DKKL1: variants seen among roughly 807,000 people sequenced by gnomAD.
DKKL1 encodes the protein dickkopf like acrosomal protein 1, also known as dickkopf-like protein 1.
DKKL1 carries 11 observed loss-of-function variants against 16.5 expected under a neutral mutation model. The ratio of observed to expected loss-of-function variants is 0.67; its 90% confidence interval spans 0.42 to 1.10. DKKL1 has a LOEUF of 1.10. Among genes scored for constraint, DKKL1 ranks in the 50% least tolerant of loss-of-function variants. The pLI is 0.00. For synonymous variants in DKKL1, 119 were observed against 133.2 expected (o/e 0.89, Z 0.73); for missense variants, 320 against 308.1 (o/e 1.04, Z -0.29).
chr19:49,372,987 G>A (rs550419965), intron 4 of DKKL1, among the ~76,000 whole-genome samples: 1 of 151,128 alleles, frequency 6.6e-6, no homozygotes, highest in South Asian at 2.1e-4. Context: ...GGCAACAAGA[G>A]CGAAACTCCA....
At chr19:49,370,369 T>A (rs147032589) in intron 4 of DKKL1, 1 of 136,584 alleles carries the variant, frequency 7.3e-6, no homozygotes. Context: ...GACTTGAAGG[T>A]TGACAAACGC....
upstream of DKKL1, among the ~76,000 whole-genome samples, chr19:49,360,874 G>A (rs1477905701): frequency 2.1e-5 from 3 of 140,476 alleles, no homozygotes; most frequent in Non-Finnish European, 4.7e-5. Context: ...CAGTGAGGTG[G>A]GGATAGAGAC....
At position 49,365,444 on chromosome 19, in the gene DKKL1, G is replaced by C. The variant is rs940739283; in HGVS notation, c.184-65G>C. 25 of 1,493,514 alleles carry C rather than the reference G, an allele frequency of 1.7e-5. No homozygotes were observed. In the African/African-American group the frequency reaches 2.7e-4, roughly 16 times the overall value. 92.5% of individuals were successfully genotyped at this position (1,493,514 alleles called of 1,614,324 possible). A position where few individuals can be genotyped will look rare whatever the true frequency, so the allele number is the denominator to read the frequency against. ...GCCTCGGGAGCATCCTAGCAGGGCT[G>C]CAGAAGGGGCTGTACTGAGGAGATG... On this transcript the variant is annotated intron_variant, in intron 2 of 4. Coordinates refer to ENST00000221498, the MANE Select transcript of DKKL1 (RefSeq NM_014419.4).
At chr19:49,365,461 G>A (rs1009254683) in intron 2 of DKKL1, 48 bp from the exon 3 acceptor site, 11 of 1,554,598 alleles carry the variant, frequency 7.1e-6, no homozygotes, top group African/African-American at 1.4e-5. Flanking sequence ...GGGCTGTACT[G>A]AGGAGATGTG....
chr19:49,362,919 G>GTTGTTGTTTTTTTT (rs1568588572), upstream of DKKL1, among the ~76,000 whole-genome samples: 13 of 130,322 alleles, frequency 1.0e-4, no homozygotes, highest in South Asian at 2.3e-4. Context: ...TGGTTTTTTT[G>GTTGTTGTTTTTTTT]TTTTTTGTTT....
intron 4 of DKKL1, among the ~76,000 whole-genome samples, chr19:49,374,011 G>C (rs140929247): frequency 0.01 from 1,572 of 151,474 alleles, 27 homozygotes; most frequent in African/African-American, 0.036. Context: ...TTGAGATGGA[G>C]TCTCGCTCTG....
chr19:49,372,916 G>C (rs1304039919), intron 4 of DKKL1, among the ~76,000 whole-genome samples: 3 of 152,042 alleles, frequency 2.0e-5, no homozygotes, highest in African/African-American at 7.3e-5. Flanking sequence ...CAGGAAAATC[G>C]TTTGAACCCA....
chr19:49,371,318 C>T lies in DKKL1; in HGVS notation c.418-3399C>T, dbSNP rs1253660110. ...ACCCTGGCCCAGCAACCATCTGGACCGTGAGAGTTTTGGGGATTTTGCTAC... is the reference window on the plus strand; with the variant it reads ...ACCCTGGCCCAGCAACCATCTGGACTGTGAGAGTTTTGGGGATTTTGCTAC... On this transcript the variant is annotated intron_variant, in intron 4 of 4. Coordinates refer to ENST00000221498, the MANE Select transcript of DKKL1 (RefSeq NM_014419.4). 2.0e-5 allele frequency among the ~76,000 whole-genome samples: 3 copies of T among 152,126 alleles called. No individual in the cohort carries two copies. The East Asian group carries it at 5.8e-4, about 29-fold the overall frequency.
chr19:49,374,839 C>G lies in DKKL1; in HGVS notation c.540C>G (p.His180Gln). The part of the protein sequence containing the change: ...WIIKLPRRRS[H>Q]QDALEGGHWL... Reference sequence around the variant, plus strand: ...TTAAGCTGCCACGGCGGAGGTCCCACCAGGATGCCCTGGAGGGCGGCCACT... The same window carrying G: ...TTAAGCTGCCACGGCGGAGGTCCCAGCAGGATGCCCTGGAGGGCGGCCACT... The change falls in exon 5 of 5, where the codon CAC becomes CAG. Residue 180 changes from histidine to glutamine, a missense_variant. By Grantham distance (24) the His-to-Gln change is conservative. Transcript: ENST00000221498. 6.2e-7 allele frequency: 1 copy of G among 1,613,840 alleles called. No individual in the cohort carries two copies. The highest frequency in any genetic ancestry group is 1.7e-5 in the Admixed American group (1 of 59,988).
At position 49,364,740 on chromosome 19, in the gene DKKL1, C is replaced by A; in HGVS notation, c.169C>A (p.Arg57=). The A allele has an allele frequency of 6.2e-7, 1 of 1,612,066 alleles. No homozygotes were observed. Among genetic ancestry groups the A allele is most frequent in the South Asian group, 1.1e-5 (1 of 90,930 alleles). The change falls in exon 2 of 5, where the codon CGA becomes AGA. Residue 57 remains arginine, a synonymous_variant. Transcript: ENST00000221498. ...CCAGAGCCTACTCCAAGGCTTCAGC[C>A]GACTTTTCCTGAAAGTAAGCGATGG... is the stretch of plus-strand genomic sequence containing the variant. The part of the protein sequence containing the change: ...GLQSLLQGFS[R]LFLKGNLLRG...
In DKKL1 at chr19:49,365,877, G is replaced by T. The variant is rs767545305; in HGVS notation, c.409G>T (p.Asp137Tyr). The T allele has an allele frequency of 1.2e-6, 2 of 1,613,994 alleles. No individual in the cohort carries two copies. Among genetic ancestry groups the T allele is most frequent in the South Asian group, 1.1e-5 (1 of 91,038 alleles). Residue 137 changes from aspartate to tyrosine, a missense_variant, in exon 4 of 5, where the codon GAT (aspartate) becomes TAT (tyrosine). Asp to Tyr is a radical substitution (Grantham distance 160, BLOSUM62 -3). Transcript: ENST00000221498. ...IQPAEGSFEG[D>Y]LKVPRMEEKE... ...ACCAGCGGAGGGGAGCTTCGAGGGT[G>T]ATTTGAAGGTTAGGACGTGCCCCGC... is the stretch of plus-strand genomic sequence containing the variant.
intron 4 of DKKL1, among the ~76,000 whole-genome samples, chr19:49,366,536 G>C (rs978303927): frequency 3.3e-4 from 50 of 152,038 alleles, no homozygotes; most frequent in African/African-American, 1.1e-3. Flanking sequence ...TGCTTGGAAA[G>C]CTTCACCCTC....
chr19:49,372,695 A>G (rs1430363272), intron 4 of DKKL1, among the ~76,000 whole-genome samples: 3 of 137,320 alleles, frequency 2.2e-5, no homozygotes, highest in Admixed American at 7.0e-5. Context: ...CTCCGTCTCA[A>G]AAAAAAAAAA....
intron 4 of DKKL1, chr19:49,369,910 G>A (rs1289218487): frequency 6.6e-6 from 1 of 152,230 alleles, no homozygotes; most frequent in African/African-American, 2.4e-5. Flanking sequence ...ACTGTCCATG[G>A]CGAATCCATG....
At chr19:49,368,794 T>C (rs1001879988) in intron 4 of DKKL1, 2 of 152,236 alleles carry the variant, frequency 1.3e-5, no homozygotes, top group African/African-American at 2.4e-5. Context: ...AGTTGTTAGA[T>C]ATAAGGAAAT....
chr19:49,371,707 T>A (rs1000176810), intron 4 of DKKL1, among the ~76,000 whole-genome samples: 1 of 152,152 alleles, frequency 6.6e-6, no homozygotes, highest in African/African-American at 2.4e-5. Context: ...CCATGGTGGT[T>A]TGCTGTACCC....
intron 4 of DKKL1, 25 bp downstream of exon 4, chr19:49,365,910 G>C: frequency 1.9e-6 from 3 of 1,606,332 alleles, no homozygotes; most frequent in Non-Finnish European, 2.6e-6. Flanking sequence ...CGCCGTCAAA[G>C]TGTCCAGGCC....
intron 4 of DKKL1, among the ~76,000 whole-genome samples, chr19:49,374,015 C>T (rs990795733): frequency 2.0e-5 from 3 of 151,616 alleles, no homozygotes; most frequent in Non-Finnish European, 2.9e-5. Context: ...GATGGAGTCT[C>T]GCTCTGTCAC....
upstream of DKKL1, among the ~76,000 whole-genome samples, chr19:49,361,227 G>GGGGAACAGAGACCCAGAGAGAGAA (rs1972892273): frequency 6.8e-6 from 1 of 147,050 alleles, no homozygotes. Flanking sequence ...CAGAGAGAGA[G>GGGGAACAGAGACCCAGAGAGAGAA]GGTGACAGAG....
Sources: gnomAD v4.1 joint callset for allele counts (sites outside exome capture counted in the v4.1 genomes callset) on GRCh38, gnomAD v4.1.1 for gene constraint, MANE v1.5 for transcripts, NCBI Gene and HGNC (gene_info 2026-07-23, HGNC 2026-07-21) for gene names.